The following GRM7 variants were observed in gnomAD, a reference collection of about 807,000 sequenced individuals.
GRM7 encodes the protein metabotropic glutamate receptor 7.
GRM7 carries 35 observed loss-of-function variants against 84.5 expected under a neutral mutation model. The ratio of observed to expected loss-of-function variants is 0.41; its 90% CI spans 0.32 to 0.55. GRM7 has a LOEUF of 0.55. GRM7 is among the 20% of genes least tolerant of loss of function. The pLI is 0.19. For synonymous variants in GRM7, 487 were observed against 455.1 expected (o/e 1.07, Z -0.89); for missense variants, 1,003 against 1,194.6 (o/e 0.84, Z 2.36).
chr3:7,281,499 A>G (rs560806189), intron 2 of GRM7, among the ~76,000 whole-genome samples: 70 of 152,330 alleles, frequency 4.6e-4, no homozygotes, highest in African/African-American at 1.5e-3. Flanking sequence ...ATGAGACAAT[A>G]CTTGCTAATC....
chr3:7,596,117 G>C (rs796920807), intron 8 of GRM7, among the ~76,000 whole-genome samples: 6 of 152,284 alleles, frequency 3.9e-5, no homozygotes, highest in African/African-American at 1.2e-4. Context: ...GGTTTGATTA[G>C]GGAGATGTGA....
At chr3:7,196,370 C>T (rs1250900645) in intron 2 of GRM7, among the ~76,000 whole-genome samples, 1 of 152,100 alleles carries the variant, frequency 6.6e-6, no homozygotes, top group Admixed American at 6.5e-5. Flanking sequence ...TTTGGCCACT[C>T]ATCTGGACAC....
chr3:7,080,034 C>T (rs569397531), intron 1 of GRM7, among the ~76,000 whole-genome samples: 1 of 152,096 alleles, frequency 6.6e-6, no homozygotes, highest in South Asian at 2.1e-4. Flanking sequence ...CTGCTCAGTA[C>T]AGCCAACCTT....
At chr3:7,412,466 GA>G in intron 4 of GRM7, among the ~76,000 whole-genome samples, 1 of 152,098 alleles carries the variant, frequency 6.6e-6, no homozygotes, top group Non-Finnish European at 1.5e-5. Flanking sequence ...CTCTCACCTG[GA>G]AAGGTCACTT....
intron 4 of GRM7, among the ~76,000 whole-genome samples, chr3:7,400,609 A>C (rs1486201594): frequency 6.6e-6 from 1 of 152,148 alleles, no homozygotes; most frequent in Non-Finnish European, 1.5e-5. Context: ...TCCTATCTGT[A>C]TGAGCTCTGC....
intron 1 of GRM7, among the ~76,000 whole-genome samples, chr3:7,043,213 T>C (rs1696693267): frequency 6.6e-6 from 1 of 152,170 alleles, no homozygotes; most frequent in African/African-American, 2.4e-5. Flanking sequence ...AGCTGAGCAG[T>C]GGTCAGCCAT....
intron 4 of GRM7, among the ~76,000 whole-genome samples, chr3:7,337,869 T>C (rs1361974252): frequency 6.6e-6 from 1 of 151,922 alleles, no homozygotes; most frequent in Admixed American, 6.6e-5. Flanking sequence ...GAACTAAGAA[T>C]AGAACTGCCA....
intron 1 of GRM7, among the ~76,000 whole-genome samples, chr3:7,018,224 G>A (rs902385902): frequency 6.6e-6 from 1 of 152,258 alleles, no homozygotes; most frequent in Admixed American, 6.5e-5. Context: ...TTCATATGAA[G>A]TCTTTGAAAT....
At chr3:7,647,910 C>A (rs1052927597) in intron 8 of GRM7, among the ~76,000 whole-genome samples, 3 of 152,146 alleles carry the variant, frequency 2.0e-5, no homozygotes, top group Admixed American at 2.0e-4. Context: ...GAGATGCTAT[C>A]CACTTCCATT....
chr3:7,093,676 CAAAAAAAAAAAAAAAA>C (rs1209938099), intron 1 of GRM7, among the ~76,000 whole-genome samples: 3 of 13,940 alleles, frequency 2.2e-4, no homozygotes, highest in Admixed American at 1.7e-3. Flanking sequence ...GACTCTGTCT[CAAAAAAAAAAAAAAAA>C]AAAAAAAAAA....
At chr3:6,951,392 T>A (rs1303313040) in intron 1 of GRM7, among the ~76,000 whole-genome samples, 1 of 152,172 alleles carries the variant, frequency 6.6e-6, no homozygotes, top group African/African-American at 2.4e-5. Flanking sequence ...ATTTGAGGTC[T>A]TTCTTCTTTT....
rs377068714 is a variant in GRM7 at position 7,076,439 on chromosome 3, T to G, written c.520-70013T>G. Reference sequence around the variant, plus strand: ...GTTCTCAGAAGATTTAATGTGTTTATAAGTGGAAGTTTTTCCCCTGCTTTC... The same window carrying G: ...GTTCTCAGAAGATTTAATGTGTTTAGAAGTGGAAGTTTTTCCCCTGCTTTC... On this transcript the variant is annotated intron_variant, in intron 1 of 9. Coordinates refer to ENST00000357716, the MANE Select transcript of GRM7 (RefSeq NM_000844.4). Among the ~76,000 whole-genome samples the G allele has an allele frequency of 5.9e-5, 9 of 152,252 alleles. No individual in the cohort carries two copies. In the East Asian group the frequency reaches 1.2e-3, roughly 20 times the overall value.
At chr3:7,491,430 A>G (rs1431763259) in intron 7 of GRM7, among the ~76,000 whole-genome samples, 1 of 146,006 alleles carries the variant, frequency 6.8e-6, no homozygotes, top group African/African-American at 2.5e-5. Flanking sequence ...ATATATATAT[A>G]TAGTGAGATT....
intron 2 of GRM7, among the ~76,000 whole-genome samples, chr3:7,240,920 C>A (rs1365693862): frequency 6.6e-6 from 1 of 152,090 alleles, no homozygotes; most frequent in African/African-American, 2.4e-5. Context: ...CTACAGTATT[C>A]GGGACAGTAA....
At chr3:6,881,232 C>G (rs1695496398) in intron 1 of GRM7, among the ~76,000 whole-genome samples, 2 of 152,042 alleles carry the variant, frequency 1.3e-5, no homozygotes, top group African/African-American at 4.8e-5. Context: ...ACTATCAACC[C>G]ATTACATAGG....
In GRM7 at chr3:7,270,173, T is replaced by C. The variant is rs369116234; in HGVS notation, c.737-28511T>C. Among the ~76,000 whole-genome samples the C allele has an allele frequency of 5.8e-4, 89 of 152,342 alleles. 5 individuals carry two copies. The South Asian group carries it at 0.014, about 24-fold the overall frequency. ...CTTTGAGAACCAATGCTTTAAATCT[T>C]AGCATGTCGTCATTTCTTTCTTGAA... is the stretch of plus-strand genomic sequence containing the variant. On this transcript the variant is annotated intron_variant, in intron 2 of 9. Coordinates refer to ENST00000357716, the MANE Select transcript of GRM7 (RefSeq NM_000844.4).
At chr3:7,663,174 T>C (rs1699538896) in intron 8 of GRM7, among the ~76,000 whole-genome samples, 3 of 152,140 alleles carry the variant, frequency 2.0e-5, no homozygotes, top group Admixed American at 1.3e-4. Context: ...GCCCTTAGTA[T>C]CAGCACCAGT....
At chr3:7,626,992 TAAAAG>T (rs1697647500) in intron 8 of GRM7, among the ~76,000 whole-genome samples, 1 of 151,776 alleles carries the variant, frequency 6.6e-6, no homozygotes, top group East Asian at 1.9e-4. Flanking sequence ...TTGGCCACCT[TAAAAG>T]GGCTGATGGT....
intron 4 of GRM7, among the ~76,000 whole-genome samples, chr3:7,348,119 A>T (rs1389629997): frequency 1.4e-4 from 22 of 152,144 alleles, no homozygotes; most frequent in Admixed American, 1.3e-3. Context: ...TTAGCCCTCA[A>T]ACATAAGCAG....
Sources: gnomAD v4.1 joint callset for allele counts (sites outside exome capture counted in the v4.1 genomes callset) on GRCh38, gnomAD v4.1.1 for gene constraint, MANE v1.5 for transcripts, NCBI Gene and HGNC (gene_info 2026-07-23, HGNC 2026-07-21) for gene names.